GSG1L2: variants seen among roughly 807,000 people sequenced by gnomAD.
GSG1L2 encodes GSG1 like 2.
In GSG1L2, 15 loss-of-function variants were observed where a neutral mutation model predicts 9.0. The observed-to-expected ratio is 1.67, with a 90% CI of 1.12 to 2.57. The LOEUF is 2.57. Ranked by LOEUF, GSG1L2 falls within the 30% of genes most tolerant of loss-of-function variation. The pLI, the probability that GSG1L2 is intolerant of heterozygous loss-of-function variation, is 0.00. For missense variants in GSG1L2, 286 were observed against 150.3 expected, an observed-to-expected ratio of 1.90 and a Z score of -4.72; for synonymous variants, 127 against 57.9, an observed-to-expected ratio of 2.19 and a Z score of -5.41.
At chr17:9,814,755 G>C (rs1251324587) in intron 1 of GSG1L2, among the ~76,000 whole-genome samples, 1 of 152,156 alleles carries the variant, frequency 6.6e-6, no homozygotes, top group African/African-American at 2.4e-5. Flanking sequence ...CCAGCCCGAG[G>C]AAGTGGCGTC....
intron 1 of GSG1L2, among the ~76,000 whole-genome samples, chr17:9,815,629 T>C (rs1169538533): frequency 6.6e-6 from 1 of 152,248 alleles, no homozygotes; most frequent in Non-Finnish European, 1.5e-5. Flanking sequence ...TACGGAATCT[T>C]TTCCAGTTTG....
rs915003324 is a variant in GSG1L2, at chr17:9,802,740, A to G, written c.624-96T>C. ...TGGGGGTCAATCTGGAGAAAACAAC[A>G]GCTCCTCGTTCTACTCAGTTTGGAC... On this transcript the variant is annotated intron_variant, in intron 4 of 4. Coordinates refer to ENST00000399363, the MANE Select transcript of GSG1L2 (RefSeq NM_001310219.2). 8 of 642,410 alleles carry G rather than the reference A, an allele frequency of 1.2e-5. No homozygotes were observed. The African/African-American group carries it at 1.3e-4, about 10-fold the overall frequency. 39.8% of individuals were successfully genotyped at this position (642,410 alleles called of 1,614,324 possible).
rs997287342 is a variant in GSG1L2 at position 9,811,541 on chromosome 17, G to C, written c.311-923C>G. On this transcript the variant is annotated intron_variant, in intron 1 of 4. Coordinates refer to ENST00000399363, the MANE Select transcript of GSG1L2 (RefSeq NM_001310219.2). ...GATGTAACCAAATTCTGGTTTAGGGGGTGACAGATGGAGGATTGAGACCAT... is the reference window on the plus strand; with the variant it reads ...GATGTAACCAAATTCTGGTTTAGGGCGTGACAGATGGAGGATTGAGACCAT... Among the ~76,000 whole-genome samples the C allele has an allele frequency of 2.0e-5, 3 of 152,272 alleles. No individual in the cohort carries two copies. In the East Asian group the frequency reaches 5.8e-4, roughly 29 times the overall value.
At position 9,808,907 on chromosome 17, in the gene GSG1L2, G is replaced by C. The variant is rs1356142356; in HGVS notation, c.434C>G (p.Ser145Cys). Residue 145 changes from serine to cysteine, a missense_variant, in exon 3 of 5, where the codon TCC becomes TGC. Coordinates refer to ENST00000399363, the MANE Select transcript of GSG1L2 (RefSeq NM_001310219.2). ...LILTSAILLG[S>C]RVSCRSPGFH... is the part of the protein sequence containing the mutation. ...CCCAGGGCTGCGACAACTCACTCTG[G>C]AGCCCAGGAGGATGGCGCTTGTCAG... 2 of 702,968 alleles carry C rather than the reference G, an allele frequency of 2.8e-6. No individual in the cohort carries two copies. The highest frequency in any genetic ancestry group is 5.2e-6 in the Non-Finnish European group (2 of 385,014). The allele number at this position is 702,968 out of a possible 1,614,324, so 43.5% of individuals were successfully genotyped here. A position where few individuals can be genotyped will look rare whatever the true frequency, so the allele number is the denominator to read the frequency against.
Position 9,820,882 on chromosome 17 carries a change from G to C in GSG1L2, c.310+880C>G, listed in dbSNP as rs4791365. ...GTTGCCTATGTTGCCAGGCTGGTCT[G>C]TAACTCCTGGTCTCAAGTGATTCTC... On this transcript the variant is annotated intron_variant, in intron 1 of 4. Transcript: ENST00000399363. The surrounding 1 kb of genome is among the most constrained non-coding windows in gnomAD (Gnocchi z 4.9). 0.51 allele frequency among the ~76,000 whole-genome samples: 77,741 copies of C among 151,838 alleles called. 22,423 individuals are homozygous for C. The highest frequency in any genetic ancestry group is 0.8 in the African/African-American group (32,952 of 41,422).
rs148289298 is a variant in GSG1L2, at chr17:9,821,902, C to A, written c.170G>T (p.Arg57Leu). 5.7e-6 allele frequency: 4 copies of A among 703,178 alleles called. No homozygotes were observed. The highest frequency in any genetic ancestry group is 4.0e-5 in the Admixed American group (2 of 49,994). The allele number at this position is 703,178 out of a possible 1,614,324, so 43.6% of individuals were successfully genotyped here. Residue 57 changes from arginine (R) to leucine (L), a missense_variant, in exon 1 of 5, where the codon CGG becomes CTG. Transcript: ENST00000399363. The part of the protein sequence containing the change: ...PGGQHCIHFK[R>L]DNSSNGRMDN... ...CATCCTGCCATTGCTGCTGTTGTCC[C>A]GTTTGAAGTGAATGCAGTGCTGCCC...
intron 1 of GSG1L2, among the ~76,000 whole-genome samples, chr17:9,812,963 C>T (rs2066545038): frequency 6.6e-6 from 1 of 152,174 alleles, no homozygotes; most frequent in African/African-American, 2.4e-5. Context: ...GCTCTCTAGC[C>T]TCTTCTTATA....
chr17:9,810,350 A>C, intron 2 of GSG1L2: 1 of 580,674 alleles, frequency 1.7e-6, no homozygotes. Flanking sequence ...GCTGCCAATC[A>C]GGGCTTCCCA....
In GSG1L2 at chr17:9,813,554, G is replaced by A. The variant is rs575449126; in HGVS notation, c.311-2936C>T. ...CTCCTGATGTCAGCAGCAGTATCACGGTCACAGAGGAAACAATTCATCTGA... is the reference window on the plus strand; with the variant it reads ...CTCCTGATGTCAGCAGCAGTATCACAGTCACAGAGGAAACAATTCATCTGA... On this transcript the variant is annotated intron_variant, in intron 1 of 4. Transcript: ENST00000399363. Among the ~76,000 whole-genome samples the A allele has an allele frequency of 3.9e-5, 6 of 152,264 alleles. No individual in the cohort carries two copies. In the South Asian group the frequency reaches 1.0e-3, roughly 26 times the overall value.
At chr17:9,815,793 T>C (rs1443959014) in intron 1 of GSG1L2, among the ~76,000 whole-genome samples, 1 of 152,200 alleles carries the variant, frequency 6.6e-6, no homozygotes, top group Non-Finnish European at 1.5e-5. Context: ...AGACAGAGGT[T>C]GCTATGGTTT....
chr17:9,802,367 T>G lies in GSG1L2; in HGVS notation c.*19A>C, dbSNP rs1597938176. On this transcript the variant is annotated 3_prime_UTR_variant, in exon 5 of 5. Coordinates refer to ENST00000399363, the MANE Select transcript of GSG1L2 (RefSeq NM_001310219.2). The stretch of plus-strand genomic sequence containing the variant: ...CCTGGCTTGTTTGCCTGTGCGGATG[T>G]GGCAGCCATGGACACTGGCTAGCAT... The G allele has an allele frequency of 1.6e-6, 1 of 630,982 alleles. No individual in the cohort carries two copies. Among genetic ancestry groups the G allele is most frequent in the Non-Finnish European group, 2.9e-6 (1 of 347,616 alleles). The allele number at this position is 630,982 out of a possible 1,614,324, so 39.1% of individuals were successfully genotyped here.
Position 9,820,807 on chromosome 17 carries a change from T to C in GSG1L2, c.310+955A>G, listed in dbSNP as rs1788074681. Among the ~76,000 whole-genome samples, 1 of 152,024 alleles carries C rather than the reference T, an allele frequency of 6.6e-6. No individual in the cohort carries two copies. Among genetic ancestry groups the C allele is most frequent in the Non-Finnish European group, 1.5e-5 (1 of 67,984 alleles). ...CTGGGACCACAGGCACACCCCACCATGTCCAGCTAATTTTTTAAAAAAACC... is the reference window on the plus strand; with the variant it reads ...CTGGGACCACAGGCACACCCCACCACGTCCAGCTAATTTTTTAAAAAAACC... On this transcript the variant is annotated intron_variant, in intron 1 of 4. Transcript: ENST00000399363. The surrounding 1 kb of genome is among the most constrained non-coding windows in gnomAD (Gnocchi z 4.9).
At chr17:9,810,740 A>T in intron 1 of GSG1L2, 122 bp from the exon 2 acceptor site, 1 of 667,026 alleles carries the variant, frequency 1.5e-6, no homozygotes, top group South Asian at 1.7e-5. Context: ...TTTACTGCTC[A>T]GGGACATGAG....
In GSG1L2 at chr17:9,800,960, C is replaced by A. The variant is rs1324397637; in HGVS notation, c.*1426G>T. Among the ~76,000 whole-genome samples, 1 of 152,192 alleles carries A rather than the reference C, an allele frequency of 6.6e-6. No homozygotes were observed. The highest frequency in any genetic ancestry group is 1.5e-5 in the Non-Finnish European group (1 of 68,042). ...CATATATGCTTAGCGCAATGAAACA[C>A]AAAATTCCACAGAAGCAGCATTTGT... On this transcript the variant is annotated 3_prime_UTR_variant, in exon 5 of 5. Transcript: ENST00000399363.
chr17:9,816,363 C>CGTGT (rs146437939), intron 1 of GSG1L2, among the ~76,000 whole-genome samples: 1 of 101,438 alleles, frequency 9.9e-6, no homozygotes, highest in Non-Finnish European at 1.9e-5. Context: ...CACGCGTATG[C>CGTGT]GTGTGTCTGT....
At chr17:9,819,178 C>T (rs752473052) in intron 1 of GSG1L2, among the ~76,000 whole-genome samples, 4 of 152,116 alleles carry the variant, frequency 2.6e-5, no homozygotes, top group Non-Finnish European at 5.9e-5. Context: ...GGATCAGAAA[C>T]GAAGAGGCAA....
Position 9,822,063 on chromosome 17 carries a change from C to T in GSG1L2, c.9G>A (p.Arg3=). 1.4e-6 allele frequency: 1 copy of T among 700,878 alleles called. No homozygotes were observed. Among genetic ancestry groups the T allele is most frequent in the South Asian group, 1.5e-5 (1 of 67,496 alleles). The allele number at this position is 700,878 out of a possible 1,614,324, so 43.4% of individuals were successfully genotyped here. A position where few individuals can be genotyped will look rare whatever the true frequency, so the allele number is the denominator to read the frequency against. Residue 3 remains arginine (R), a synonymous_variant, in exon 1 of 5, where the codon AGG becomes AGA. Transcript: ENST00000399363. ...GGAGCAGCGCCTGCTGCTGCTTGGCCCTGTCCATGGCTGAGTGAGGTGCGT... is the reference window on the plus strand; with the variant it reads ...GGAGCAGCGCCTGCTGCTGCTTGGCTCTGTCCATGGCTGAGTGAGGTGCGT... MD[R]AKQQQALLLL...
intron 3 of GSG1L2, among the ~76,000 whole-genome samples, chr17:9,808,080 T>A (rs1231458411): frequency 6.6e-6 from 1 of 152,026 alleles, no homozygotes; most frequent in Admixed American, 6.6e-5. Context: ...AAAGGGACTT[T>A]AAAAAAAGGA....
intron 1 of GSG1L2, among the ~76,000 whole-genome samples, chr17:9,818,576 G>A (rs1310298309): frequency 2.9e-5 from 4 of 135,826 alleles, no homozygotes; most frequent in East Asian, 2.1e-4. Context: ...GGCTGGTCTC[G>A]AACTCCTGAC....
Sources: gnomAD v4.1 joint callset for allele counts (sites outside exome capture counted in the v4.1 genomes callset) on GRCh38, gnomAD v4.1.1 for gene constraint, Gnocchi (gnomAD v3.1) non-coding constraint, MANE v1.5 for transcripts, NCBI Gene and HGNC (gene_info 2026-07-23, HGNC 2026-07-21) for gene names.